Variants in SYNE2 observed in about 807,000 individuals in gnomAD.
SYNE2 encodes nesprin-2.
SYNE2 carries 431 observed loss-of-function variants against 856.3 expected under a neutral mutation model. The ratio of observed to expected loss-of-function variants is 0.50; its 90% confidence interval spans 0.47 to 0.55. SYNE2 has a LOEUF of 0.55. Ranked by LOEUF, SYNE2 falls within the 20% of genes least tolerant of loss-of-function variation. The pLI is 0.00. For missense variants in SYNE2, 8,129 were observed against 8,023.2 expected (o/e 1.01, Z -0.50); for synonymous variants, 2,923 against 2,872.3 (o/e 1.02, Z -0.56).
Position 64,016,601 on chromosome 14 carries a change from G to A in SYNE2, c.4857G>A (p.Glu1619=). 1.2e-6 allele frequency: 2 copies of A among 1,600,278 alleles called. 1 individual carries two copies. Among genetic ancestry groups the A allele is most frequent in the South Asian group, 2.3e-5 (2 of 88,514 alleles). ...TTGAAGAGCCCCCTTTTGAAAAAGAGGCTAATATTATTGTGGATAGATGGC... is the reference window on the plus strand; with the variant it reads ...TTGAAGAGCCCCCTTTTGAAAAAGAAGCTAATATTATTGTGGATAGATGGC... ...KTFEEPPFEK[E]ANIIVDRWLD... Residue 1619 remains glutamate, a synonymous_variant, in exon 33 of 116, where the codon GAG becomes GAA. Transcript: ENST00000555002.
Position 64,025,431 on chromosome 14 carries a change from T to A in SYNE2, c.6252+10T>A. 3 of 1,609,498 alleles carry A rather than the reference T, an allele frequency of 1.9e-6. No homozygotes were observed. Among genetic ancestry groups the A allele is most frequent in the Non-Finnish European group, 2.5e-6 (3 of 1,179,702 alleles). ...AATCCAAAAAATCAAGGTATAACTA[T>A]GGAAACTAAATTTCAGAAGTCTGAG... On this transcript the variant is annotated intron_variant, in intron 41 of 115. Coordinates refer to ENST00000555002, the MANE Select transcript of SYNE2 (RefSeq NM_182914.3).
chr14:64,074,856 C>T (rs1270867976), intron 53 of SYNE2, among the ~76,000 whole-genome samples: 1 of 148,824 alleles, frequency 6.7e-6, no homozygotes, highest in Non-Finnish European at 1.5e-5. Flanking sequence ...GATCGTGCCG[C>T]TGCAATCCAG....
chr14:63,809,119 G>T (rs1239149645), intron 1 of SYNE2, among the ~76,000 whole-genome samples: 1 of 152,054 alleles, frequency 6.6e-6, no homozygotes, highest in Non-Finnish European at 1.5e-5. Flanking sequence ...GGACCACTTG[G>T]CTCACAGGAA....
chr14:64,034,558 C>T (rs774809073), intron 45 of SYNE2: 2 of 531,502 alleles, frequency 3.8e-6, no homozygotes, highest in Middle Eastern at 5.4e-4. Flanking sequence ...ATATTTGAAT[C>T]CATTGTCAAG....
chr14:64,040,597 A>ATAT (rs1555446962), intron 45 of SYNE2, among the ~76,000 whole-genome samples: 2 of 142,544 alleles, frequency 1.4e-5, no homozygotes, highest in African/African-American at 2.6e-5. Context: ...TGAGGTTAAA[A>ATAT]ATATATATAT....
intron 2 of SYNE2, among the ~76,000 whole-genome samples, chr14:63,928,523 G>C (rs2095701440): frequency 6.6e-6 from 1 of 152,202 alleles, no homozygotes; most frequent in Non-Finnish European, 1.5e-5. Context: ...AGAAAATTGT[G>C]TTGTAAATTA....
intron 11 of SYNE2, among the ~76,000 whole-genome samples, chr14:63,972,686 A>G (rs1184846814): frequency 1.3e-5 from 2 of 152,252 alleles, no homozygotes; most frequent in Non-Finnish European, 2.9e-5. Flanking sequence ...TAAGTGAGAA[A>G]GAAGAGGAAC....
At chr14:64,146,267 G>T (rs370524208) in intron 84 of SYNE2, 44 bp downstream of exon 84, 5 of 1,561,336 alleles carry the variant, frequency 3.2e-6, no homozygotes, top group Non-Finnish European at 4.3e-6. Flanking sequence ...GAGCTGGGGT[G>T]ATTCGGTCAC....
chr14:64,028,151 C>T (rs757673885), intron 43 of SYNE2, among the ~76,000 whole-genome samples: 8 of 152,048 alleles, frequency 5.3e-5, no homozygotes, highest in Admixed American at 3.9e-4. Flanking sequence ...GTGATCCTCC[C>T]GCCTTGGCCT....
At chr14:64,057,292 G>A (rs1031925973) in intron 49 of SYNE2, among the ~76,000 whole-genome samples, 2 of 151,376 alleles carry the variant, frequency 1.3e-5, no homozygotes, top group African/African-American at 4.9e-5. Context: ...CCAGTCTCTG[G>A]TAACCATCCT....
At chr14:64,145,507 CAAAAA>C (rs58238268) in intron 83 of SYNE2, among the ~76,000 whole-genome samples, 1 of 93,728 alleles carries the variant, frequency 1.1e-5, no homozygotes, top group Non-Finnish European at 2.5e-5. Flanking sequence ...GACTCCGTCT[CAAAAA>C]AAAAAAAAAA....
Position 64,159,364 on chromosome 14 carries a change from A to G in SYNE2, c.16016A>G (p.Glu5339Gly). The G allele has an allele frequency of 6.2e-7, 1 of 1,614,034 alleles. No individual in the cohort carries two copies. The highest frequency in any genetic ancestry group is 8.5e-7 in the Non-Finnish European group (1 of 1,179,894). The change falls in exon 87 of 116, where the codon GAG becomes GGG. Residue 5339 changes from glutamate to glycine, a missense_variant. Physicochemically the swap from Glu to Gly is moderately conservative, Grantham distance 98. Transcript: ENST00000555002. ...GAAGGGAGTTGGGAGAAACTCCAGGAGGTTATCGGCAAACTCAAAGGTCTC... is the reference window on the plus strand; with the variant it reads ...GAAGGGAGTTGGGAGAAACTCCAGGGGGTTATCGGCAAACTCAAAGGTCTC... ...SSEGSWEKLQ[E>G]VIGKLKGLCP... is the part of the protein sequence containing the mutation.
chr14:64,205,295 A>G (rs1377796126), intron 100 of SYNE2, among the ~76,000 whole-genome samples: 1 of 152,196 alleles, frequency 6.6e-6, no homozygotes, highest in Non-Finnish European at 1.5e-5. Context: ...GTTAAAAAGA[A>G]TAAGTTACAG....
At chr14:64,023,750 C>A in intron 38 of SYNE2, 1 of 193,340 alleles carries the variant, frequency 5.2e-6, no homozygotes, top group Non-Finnish European at 1.1e-5. Flanking sequence ...TTATCAATGG[C>A]ACTAAATGTT....
intron 65 of SYNE2, among the ~76,000 whole-genome samples, chr14:64,110,188 A>G (rs909498994): frequency 6.6e-6 from 1 of 152,210 alleles, no homozygotes; most frequent in Non-Finnish European, 1.5e-5. Flanking sequence ...TGAAATATTA[A>G]GGAGAAAATG....
At chr14:64,214,122 G>GTTTCC in intron 105 of SYNE2, 72 bp from the exon 106 acceptor site, 1 of 1,611,786 alleles carries the variant, frequency 6.2e-7, no homozygotes, top group Non-Finnish European at 8.5e-7. Context: ...TAGATAGGCA[G>GTTTCC]ACTTCTCATG....
chr14:63,936,262 G>A (rs898662387), intron 2 of SYNE2, among the ~76,000 whole-genome samples: 2 of 152,220 alleles, frequency 1.3e-5, no homozygotes, highest in Non-Finnish European at 2.9e-5. Flanking sequence ...CACAGACAAA[G>A]CATCTTTGCC....
intron 1 of SYNE2, among the ~76,000 whole-genome samples, chr14:63,890,423 G>A (rs2095104905): frequency 6.6e-6 from 1 of 152,292 alleles, no homozygotes; most frequent in East Asian, 1.9e-4. Flanking sequence ...TTTATGGCCA[G>A]TTCTTACACA....
At chr14:64,221,762 C>T in intron 112 of SYNE2, 58 bp downstream of exon 112, 1 of 1,594,762 alleles carries the variant, frequency 6.3e-7, no homozygotes, top group Non-Finnish European at 8.6e-7. Flanking sequence ...CCCAGAGAGG[C>T]AGCACACTCA....
Sources: allele counts gnomAD v4.1 joint callset (sites outside exome capture counted in the v4.1 genomes callset), GRCh38; gene constraint gnomAD v4.1.1; transcripts MANE v1.5; gene names NCBI Gene and HGNC (gene_info 2026-07-23, HGNC 2026-07-21).